WNT9B: variants seen among roughly 807,000 people sequenced by gnomAD.
WNT9B encodes Wnt family member 9B, also known as protein Wnt-9b.
Under a neutral mutation model 30.2 loss-of-function variants are expected in WNT9B, and 12 were observed. The ratio of observed to expected loss-of-function variants is 0.40; its 90% CI spans 0.26 to 0.64. WNT9B has a LOEUF of 0.64. Ranked by LOEUF, WNT9B falls within the 30% of genes least tolerant of loss-of-function variation. WNT9B has a pLI of 0.42. For missense variants in WNT9B, 442 were observed against 485.2 expected (o/e 0.91, Z 0.84); for synonymous variants, 218 against 216.9 (o/e 1.01, Z -0.05).
chr17:46,877,808 G>T lies in WNT9B; in HGVS notation c.*1090G>T, dbSNP rs982284389. On this transcript the variant is annotated 3_prime_UTR_variant, in exon 4 of 4. Coordinates refer to ENST00000290015, the MANE Select transcript of WNT9B (RefSeq NM_003396.3). ...TTCTATTCTTGTGGCTGCTCATCTA[G>T]TTAAGGCTTTTGCCCTGGCTGGGGT... is the stretch of plus-strand genomic sequence containing the variant. Among the ~76,000 whole-genome samples, 3 of 152,224 alleles carry T rather than the reference G, an allele frequency of 2.0e-5. No homozygotes were observed. Among genetic ancestry groups the T allele is most frequent in the Non-Finnish European group, 4.4e-5 (3 of 68,040 alleles).
chr17:46,868,595 AAAAAC>A (rs57933868), intron 1 of WNT9B, among the ~76,000 whole-genome samples: 4,256 of 152,080 alleles, frequency 0.028, 205 homozygotes, highest in African/African-American at 0.097. Context: ...GACTCGATTA[AAAAAC>A]AAAACAAAAC....
At chr17:46,835,917 T>C (rs1434632427) in intron 1 of WNT9B, among the ~76,000 whole-genome samples, 1 of 152,216 alleles carries the variant, frequency 6.6e-6, no homozygotes, top group East Asian at 1.9e-4. Flanking sequence ...CCCTTCTCTC[T>C]GGGACAGGAC....
upstream of WNT9B, among the ~76,000 whole-genome samples, chr17:46,848,125 C>T (rs7212246): frequency 6.6e-6 from 1 of 151,856 alleles, no homozygotes; most frequent in African/African-American, 2.4e-5. Context: ...CCTGTGTGAA[C>T]GTGTGGACCC....
intron 1 of WNT9B, among the ~76,000 whole-genome samples, chr17:46,860,409 A>G (rs1353713476): frequency 1.3e-5 from 2 of 152,166 alleles, no homozygotes; most frequent in Non-Finnish European, 2.9e-5. Flanking sequence ...AGGATCGGAC[A>G]TGGCCCAAGG....
chr17:46,839,522 T>TTATA (rs757322716), intron 1 of WNT9B, among the ~76,000 whole-genome samples: 4 of 151,486 alleles, frequency 2.6e-5, no homozygotes, highest in African/African-American at 7.3e-5. Flanking sequence ...TGTAAATTCT[T>TTATA]TATATATATA....
At position 46,877,004 on chromosome 17, in the gene WNT9B, G is replaced by C; in HGVS notation, c.*286G>C. 1.6e-6 allele frequency: 2 copies of C among 1,246,392 alleles called. No homozygotes were observed. The highest frequency in any genetic ancestry group is 2.0e-6 in the Non-Finnish European group (2 of 995,512). The allele number at this position is 1,246,392 out of a possible 1,614,324, so 77.2% of individuals were successfully genotyped here. ...GAGAAAGACATGGAGGGAAATAAGGGAGACCAAGAGCACAGCAGGACTGAA... is the reference window on the plus strand; with the variant it reads ...GAGAAAGACATGGAGGGAAATAAGGCAGACCAAGAGCACAGCAGGACTGAA... On this transcript the variant is annotated 3_prime_UTR_variant, in exon 4 of 4. Transcript: ENST00000290015.
chr17:46,882,436 T>G (rs1361386207), downstream of WNT9B, among the ~76,000 whole-genome samples: 1 of 152,212 alleles, frequency 6.6e-6, no homozygotes, highest in African/African-American at 2.4e-5. Context: ...TCCTATTCTG[T>G]GCATGCTGTA....
chr17:46,860,358 G>A (rs1437641805), intron 1 of WNT9B, among the ~76,000 whole-genome samples: 1 of 152,202 alleles, frequency 6.6e-6, no homozygotes, highest in Non-Finnish European at 1.5e-5. Context: ...AGGTGGGCCA[G>A]GTGCTGTGAG....
intron 1 of WNT9B, among the ~76,000 whole-genome samples, chr17:46,865,753 G>A (rs746437558): frequency 2.6e-5 from 4 of 152,068 alleles, no homozygotes; most frequent in African/African-American, 4.8e-5. Flanking sequence ...CCACAGGCAC[G>A]TGCCACCATG....
intron 1 of WNT9B, among the ~76,000 whole-genome samples, chr17:46,841,456 C>T (rs1005528935): frequency 2.0e-5 from 3 of 152,182 alleles, no homozygotes; most frequent in Admixed American, 2.0e-4. Flanking sequence ...CACCTCTGGG[C>T]GGGAGGGTGG....
chr17:46,838,755 C>A (rs1191277468), intron 1 of WNT9B, among the ~76,000 whole-genome samples: 1 of 152,154 alleles, frequency 6.6e-6, no homozygotes, highest in East Asian at 1.9e-4. Flanking sequence ...AGCCTTCAAG[C>A]AGATGCAGTC....
intron 1 of WNT9B, among the ~76,000 whole-genome samples, chr17:46,842,188 C>T (rs997285161): frequency 9.9e-5 from 15 of 152,208 alleles, no homozygotes; most frequent in African/African-American, 3.4e-4. Context: ...CAGGCCACTT[C>T]GCCTCTCTGT....
downstream of WNT9B, among the ~76,000 whole-genome samples, chr17:46,884,749 C>A (rs1004008147): frequency 1.3e-5 from 2 of 152,132 alleles, no homozygotes; most frequent in African/African-American, 4.8e-5. Flanking sequence ...GACCACTTGC[C>A]TGAGGTCACA....
At position 46,876,712 on chromosome 17, in the gene WNT9B, G is replaced by A; in HGVS notation, c.1068G>A (p.Lys356=). Residue 356 remains lysine, a synonymous_variant, in exon 4 of 4, where the codon AAG becomes AAA. Coordinates refer to ENST00000290015, the MANE Select transcript of WNT9B (RefSeq NM_003396.3). ...AGGAGGAGCTTGTGTACACCTGCAA[G>A]CACTAGGCCTACTGCCCAGCAAGCC... is the stretch of plus-strand genomic sequence containing the variant. ...CVQEELVYTC[K]H is the part of the protein sequence containing the mutation. 2 of 1,542,642 alleles carry A rather than the reference G, an allele frequency of 1.3e-6. No individual in the cohort carries two copies. The highest frequency in any genetic ancestry group is 3.7e-5 in the Admixed American group (2 of 53,578).
downstream of WNT9B, among the ~76,000 whole-genome samples, chr17:46,883,836 G>A (rs942609588): frequency 2.0e-5 from 3 of 152,100 alleles, no homozygotes; most frequent in African/African-American, 7.2e-5. Context: ...CCTGCATACC[G>A]CAAAGAGGAG....
In WNT9B at chr17:46,876,312, C is replaced by T. The variant is rs777098128; in HGVS notation, c.668C>T (p.Thr223Ile). ...HGVSGSCAVR[T>I]CWKQLSPFRE... is the part of the protein sequence containing the mutation. Reference sequence around the variant, plus strand: ...GTATCAGGCTCCTGTGCCGTGCGCACCTGCTGGAAGCAGCTCTCCCCGTTC... The same window carrying T: ...GTATCAGGCTCCTGTGCCGTGCGCATCTGCTGGAAGCAGCTCTCCCCGTTC... The change falls in exon 4 of 4, where the codon ACC becomes ATC. Residue 223 changes from threonine (T) to isoleucine (I), a missense_variant. Thr to Ile is a moderately conservative substitution (Grantham distance 89, BLOSUM62 -1). Transcript: ENST00000290015. 2 of 1,614,212 alleles carry T rather than the reference C, an allele frequency of 1.2e-6. No individual in the cohort carries two copies. The highest frequency in any genetic ancestry group is 2.2e-5 in the East Asian group (1 of 44,890).
At chr17:46,837,675 G>C (rs545381869) in intron 1 of WNT9B, among the ~76,000 whole-genome samples, 1 of 152,328 alleles carries the variant, frequency 6.6e-6, no homozygotes, top group African/African-American at 2.4e-5. Flanking sequence ...ACAGGAAGGT[G>C]GTGATGCCCC....
intron 1 of WNT9B, among the ~76,000 whole-genome samples, chr17:46,866,432 G>A (rs750692099): frequency 2.3e-4 from 35 of 152,016 alleles, no homozygotes; most frequent in Non-Finnish European, 4.1e-4. Flanking sequence ...GAGTATAGGT[G>A]TGTATGAATG....
downstream of WNT9B, among the ~76,000 whole-genome samples, chr17:46,882,903 C>T (rs141749173): frequency 3.2e-3 from 480 of 152,256 alleles, 5 homozygotes; most frequent in Middle Eastern, 0.041. Flanking sequence ...GCAGGCTCCA[C>T]CCCACACAGG....
Sources: allele counts gnomAD v4.1 joint callset (sites outside exome capture counted in the v4.1 genomes callset), GRCh38; gene constraint gnomAD v4.1.1; transcripts MANE v1.5; gene names NCBI Gene and HGNC (gene_info 2026-07-23, HGNC 2026-07-21).